ZMYND11: variants seen among roughly 807,000 people sequenced by gnomAD.
ZMYND11 encodes the protein zinc finger MYND-type containing 11.
A neutral mutation model predicts 84.9 loss-of-function variants in ZMYND11; 9 were observed. That is an observed-to-expected ratio of 0.11 (90% CI 0.06 to 0.18). The LOEUF (loss-of-function observed/expected upper bound fraction) is 0.18, where lower values mean the gene tolerates loss of function less well. ZMYND11 is among the 10% of genes least tolerant of loss of function. ZMYND11 has a pLI of 1.00. For synonymous variants in ZMYND11, 250 were observed against 244.1 expected, an observed-to-expected ratio of 1.02 and a Z score of -0.23; for missense variants, 409 against 761.0, an observed-to-expected ratio of 0.54 and a Z score of 5.44.
chr10:244,100 T>C (rs1951621357), intron 10 of ZMYND11, among the ~76,000 whole-genome samples: 1 of 150,416 alleles, frequency 6.6e-6, no homozygotes, highest in South Asian at 2.1e-4. Context: ...TTTTCCTTTT[T>C]CCTGGATACA....
At chr10:156,902 C>T (rs946362542) in intron 1 of ZMYND11, among the ~76,000 whole-genome samples, 16 of 152,172 alleles carry the variant, frequency 1.1e-4, no homozygotes, top group African/African-American at 3.9e-4. Context: ...GCACAGATCT[C>T]CTCACTGGTA....
At chr10:179,952 G>T in intron 1 of ZMYND11, 42 bp from the exon 2 acceptor site, 1 of 1,213,362 alleles carries the variant, frequency 8.2e-7, no homozygotes, top group Non-Finnish European at 1.2e-6. Flanking sequence ...AATTCATTTT[G>T]TAATCTGTTT....
chr10:205,717 TC>T (rs1944005199), intron 2 of ZMYND11, among the ~76,000 whole-genome samples: 1 of 151,752 alleles, frequency 6.6e-6, no homozygotes. Flanking sequence ...AAAAAGGAGT[TC>T]CTGGATTCTA....
At chr10:237,770 CTTCT>C (rs1950223966) in intron 6 of ZMYND11, 93 bp downstream of exon 6, 1 of 881,552 alleles carries the variant, frequency 1.1e-6, no homozygotes, top group Non-Finnish European at 1.7e-6. Flanking sequence ...TTTGGTTGCT[CTTCT>C]TTCCTTGAAA....
chr10:198,265 A>T (rs1314154199), intron 2 of ZMYND11, among the ~76,000 whole-genome samples: 1 of 152,162 alleles, frequency 6.6e-6, no homozygotes, highest in Non-Finnish European at 1.5e-5. Context: ...ACCTAGCTTT[A>T]AAATTACTAA....
At chr10:194,956 A>G (rs978857382) in intron 2 of ZMYND11, among the ~76,000 whole-genome samples, 4 of 152,240 alleles carry the variant, frequency 2.6e-5, no homozygotes, top group African/African-American at 9.6e-5. Flanking sequence ...TTGCAGACCA[A>G]ATTTAACATG....
upstream of ZMYND11, among the ~76,000 whole-genome samples, chr10:133,927 C>T (rs1282894315): frequency 3.3e-5 from 5 of 152,108 alleles, no homozygotes; most frequent in Non-Finnish European, 7.4e-5. Flanking sequence ...TATCACAGAC[C>T]TATTCAAGTA....
At chr10:170,147 C>A (rs1844946375) in intron 1 of ZMYND11, among the ~76,000 whole-genome samples, 1 of 151,828 alleles carries the variant, frequency 6.6e-6, no homozygotes, top group African/African-American at 2.4e-5. Flanking sequence ...AAGAAAAAAC[C>A]CCACCAACCT....
At chr10:188,200 G>A (rs984043514) in intron 2 of ZMYND11, among the ~76,000 whole-genome samples, 3 of 151,934 alleles carry the variant, frequency 2.0e-5, no homozygotes, top group South Asian at 4.2e-4. Context: ...GTTAGCCCTC[G>A]TTTTACACAT....
At chr10:173,423 C>A (rs568125731) in intron 1 of ZMYND11, among the ~76,000 whole-genome samples, 1 of 152,024 alleles carries the variant, frequency 6.6e-6, no homozygotes, top group Non-Finnish European at 1.5e-5. Flanking sequence ...ATACAAAGAA[C>A]GTCTAACATT....
chr10:173,563 CAAAT>C (rs1480041978), intron 1 of ZMYND11, among the ~76,000 whole-genome samples: 2 of 151,974 alleles, frequency 1.3e-5, no homozygotes, highest in African/African-American at 4.8e-5. Flanking sequence ...AAAACATTAA[CAAAT>C]AAAACATGAG....
chr10:143,443 T>C (rs1837951694), intron 1 of ZMYND11, among the ~76,000 whole-genome samples: 1 of 152,186 alleles, frequency 6.6e-6, no homozygotes, highest in Non-Finnish European at 1.5e-5. Flanking sequence ...GAGCAGGTCC[T>C]TAATTTTCTA....
chr10:187,833 G>A (rs2436024), intron 2 of ZMYND11, among the ~76,000 whole-genome samples: 141,384 of 152,286 alleles, frequency 0.93, 65,992 homozygotes, highest in Non-Finnish European at 0.98. Flanking sequence ...GAAATTCTAT[G>A]GATGACCTCA....
At chr10:215,193 T>C (rs1159007461) in intron 3 of ZMYND11, among the ~76,000 whole-genome samples, 1 of 152,232 alleles carries the variant, frequency 6.6e-6, no homozygotes, top group East Asian at 1.9e-4. Context: ...ACTTAAAATA[T>C]TAAAAAGTGA....
upstream of ZMYND11, chr10:134,816 G>T (rs1554751263): frequency 2.6e-5 from 4 of 152,114 alleles, no homozygotes; most frequent in African/African-American, 9.7e-5. Flanking sequence ...GTGTGGATAC[G>T]GAGTGCATGT....
At chr10:158,443 G>T (rs1842201781) in intron 1 of ZMYND11, among the ~76,000 whole-genome samples, 1 of 146,606 alleles carries the variant, frequency 6.8e-6, no homozygotes, top group Non-Finnish European at 1.5e-5. Context: ...TTTTGACACA[G>T]GGTCTCGCTG....
At chr10:234,326 C>G (rs896243993) in intron 4 of ZMYND11, among the ~76,000 whole-genome samples, 4 of 152,232 alleles carry the variant, frequency 2.6e-5, no homozygotes, top group African/African-American at 9.6e-5. Flanking sequence ...GGGCTCAGGC[C>G]TCCTCTCCCA....
At chr10:190,712 C>T (rs1344242482) in intron 2 of ZMYND11, among the ~76,000 whole-genome samples, 1 of 152,182 alleles carries the variant, frequency 6.6e-6, no homozygotes, top group Non-Finnish European at 1.5e-5. Context: ...CTCAGTGTTC[C>T]ACCTGATGAG....
chr10:169,248 C>T (rs1554764919), intron 1 of ZMYND11, among the ~76,000 whole-genome samples: 1 of 152,090 alleles, frequency 6.6e-6, no homozygotes, highest in Non-Finnish European at 1.5e-5. Context: ...TGGTGAAGTT[C>T]ACAGTCCAGT....
Sources: allele counts gnomAD v4.1 joint callset (sites outside exome capture counted in the v4.1 genomes callset), GRCh38; gene constraint gnomAD v4.1.1; transcripts MANE v1.5; gene names NCBI Gene and HGNC (gene_info 2026-07-23, HGNC 2026-07-21).